WDR7: variants seen among roughly 807,000 people sequenced by gnomAD.
WDR7 encodes WD repeat domain 7, also known as WD repeat-containing protein 7.
In WDR7, 46 loss-of-function variants were observed where a neutral mutation model predicts 169.4. The ratio of observed to expected loss-of-function variants is 0.27; its 90% confidence interval spans 0.21 to 0.35. The LOEUF (loss-of-function observed/expected upper bound fraction) is 0.35. Ranked by LOEUF, WDR7 falls within the 10% of genes least tolerant of loss-of-function variation. The pLI is 1.00. For synonymous variants in WDR7, 612 were observed against 666.8 expected (o/e 0.92, Z 1.27); for missense variants, 1,534 against 1,859.3 (o/e 0.83, Z 3.22).
intron 12 of WDR7, among the ~76,000 whole-genome samples, chr18:56,715,968 A>G (rs547340636): frequency 6.6e-6 from 1 of 152,262 alleles, no homozygotes; most frequent in African/African-American, 2.4e-5. Flanking sequence ...AGCTGTAGAA[A>G]TGCAAAGCAT....
At chr18:56,895,232 C>T (rs2046316215) in intron 21 of WDR7, among the ~76,000 whole-genome samples, 1 of 151,726 alleles carries the variant, frequency 6.6e-6, no homozygotes, top group East Asian at 1.9e-4. Flanking sequence ...GATAAATAAT[C>T]AAAAATGAGT....
chr18:56,738,504 G>A (rs1171249215), intron 14 of WDR7, among the ~76,000 whole-genome samples: 3 of 152,124 alleles, frequency 2.0e-5, no homozygotes, highest in Admixed American at 2.0e-4. Flanking sequence ...GCTGCATTGA[G>A]CTGAGATCAT....
At chr18:56,753,679 A>G (rs1183947675) in intron 14 of WDR7, among the ~76,000 whole-genome samples, 1 of 149,954 alleles carries the variant, frequency 6.7e-6, no homozygotes, top group Non-Finnish European at 1.5e-5. Flanking sequence ...ATGATTTGAT[A>G]TACATATATT....
intron 12 of WDR7, among the ~76,000 whole-genome samples, chr18:56,713,266 T>C (rs982911803): frequency 1.3e-5 from 2 of 152,246 alleles, no homozygotes; most frequent in African/African-American, 4.8e-5. Context: ...CCTAAGGATC[T>C]ATTTTGTGAC....
chr18:56,860,708 G>A (rs1000775014), intron 20 of WDR7, among the ~76,000 whole-genome samples: 5 of 136,596 alleles, frequency 3.7e-5, no homozygotes, highest in African/African-American at 1.9e-4. Context: ...TTAAAAAAAT[G>A]TCTTTATTAA....
At chr18:56,669,788 C>T (rs1163711201) in intron 1 of WDR7, among the ~76,000 whole-genome samples, 2 of 151,908 alleles carry the variant, frequency 1.3e-5, no homozygotes, top group Admixed American at 6.6e-5. Flanking sequence ...TTTTTTTTAT[C>T]CCAATAAATC....
chr18:56,861,902 C>A (rs1212388696), intron 20 of WDR7, among the ~76,000 whole-genome samples: 1 of 151,862 alleles, frequency 6.6e-6, no homozygotes, highest in Non-Finnish European at 1.5e-5. Context: ...ACAATTAGAC[C>A]GTTGGACTTT....
At chr18:56,690,410 T>A (rs2025539251) in intron 7 of WDR7, among the ~76,000 whole-genome samples, 1 of 152,192 alleles carries the variant, frequency 6.6e-6, no homozygotes, top group South Asian at 2.1e-4. Flanking sequence ...TATTACATAG[T>A]AAAATTGAGC....
intron 1 of WDR7, among the ~76,000 whole-genome samples, chr18:56,652,686 A>G (rs2024682245): frequency 6.6e-6 from 1 of 152,216 alleles, no homozygotes; most frequent in Non-Finnish European, 1.5e-5. Flanking sequence ...TATTAATGTC[A>G]ATTAGGGATT....
Position 56,816,117 on chromosome 18 carries a change from G to C in WDR7, c.3277G>C (p.Asp1093His), listed in dbSNP as rs780840102. 10 of 1,613,670 alleles carry C rather than the reference G, an allele frequency of 6.2e-6. No homozygotes were observed. Among genetic ancestry groups the C allele is most frequent in the African/African-American group, 1.3e-5 (1 of 74,922 alleles). Residue 1093 changes from aspartate to histidine, a missense_variant, in exon 20 of 28, where the codon GAC becomes CAC. By Grantham distance (81) the Asp-to-His change is moderately conservative. Coordinates refer to ENST00000254442, the MANE Select transcript of WDR7 (RefSeq NM_015285.3). The part of the protein sequence containing the change: ...PEAKVQEEEH[D>H]LVDDDITTGC... The stretch of plus-strand genomic sequence containing the variant: ...AGCAAAAGTCCAGGAGGAAGAGCAT[G>C]ACCTTGTTGACGATGACATCACCAC...
At chr18:56,950,624 A>G (rs543826674) in intron 25 of WDR7, among the ~76,000 whole-genome samples, 20 of 152,276 alleles carry the variant, frequency 1.3e-4, no homozygotes, top group African/African-American at 4.6e-4. Flanking sequence ...CCATATCCCA[A>G]AGTGATAACC....
intron 26 of WDR7, among the ~76,000 whole-genome samples, chr18:56,975,911 A>C (rs143216922): frequency 2.0e-5 from 3 of 152,286 alleles, no homozygotes; most frequent in Non-Finnish European, 2.9e-5. Flanking sequence ...AAATCTCCCA[A>C]TTTTTAATTG....
At chr18:56,799,022 A>G (rs1289483488) in intron 19 of WDR7, among the ~76,000 whole-genome samples, 2 of 152,192 alleles carry the variant, frequency 1.3e-5, no homozygotes, top group Non-Finnish European at 2.9e-5. Flanking sequence ...TATAGGCTGG[A>G]GAATATAATG....
At chr18:56,978,935 A>C (rs920464838) in intron 26 of WDR7, among the ~76,000 whole-genome samples, 1 of 152,202 alleles carries the variant, frequency 6.6e-6, no homozygotes, top group Admixed American at 6.5e-5. Context: ...TTAATATTTC[A>C]GTCCCCAAGG....
chr18:56,912,263 C>T (rs2046563145), intron 21 of WDR7, among the ~76,000 whole-genome samples: 1 of 152,320 alleles, frequency 6.6e-6, no homozygotes, highest in Middle Eastern at 3.4e-3. Flanking sequence ...AGAACATGGA[C>T]TGCTACTTCA....
At chr18:56,724,236 A>T in intron 13 of WDR7, among the ~76,000 whole-genome samples, 1 of 111,166 alleles carries the variant, frequency 9.0e-6, no homozygotes, top group African/African-American at 3.5e-5. Flanking sequence ...TTTGAGACAG[A>T]GTTTCACTCT....
rs2044250823 is a variant in WDR7 at position 56,776,893 on chromosome 18, A to G, written c.2947+13A>G. The G allele has an allele frequency of 6.3e-7, 1 of 1,595,842 alleles. No homozygotes were observed. Among genetic ancestry groups the G allele is most frequent in the South Asian group, 1.1e-5 (1 of 90,744 alleles). ...TTAGTAAATGAAGGTATCTCTCTCAACTTCTAACAACTTTCTCTCAATCTG... is the reference window on the plus strand; with the variant it reads ...TTAGTAAATGAAGGTATCTCTCTCAGCTTCTAACAACTTTCTCTCAATCTG... On this transcript the variant is annotated intron_variant, in intron 17 of 27. Transcript: ENST00000254442.
chr18:57,016,349 G>C (rs17684110), intron 26 of WDR7, among the ~76,000 whole-genome samples: 36,003 of 152,064 alleles, frequency 0.24, 4,689 homozygotes, highest in Non-Finnish European at 0.29. Flanking sequence ...TGGTATTTAT[G>C]ATAGGGAAAT....
chr18:56,971,505 A>G (rs969714049), intron 26 of WDR7, among the ~76,000 whole-genome samples: 1 of 152,164 alleles, frequency 6.6e-6, no homozygotes, highest in African/African-American at 2.4e-5. Context: ...ATAATTTGGT[A>G]TAGAAGGCAG....
Sources: gnomAD v4.1 joint callset for allele counts (sites outside exome capture counted in the v4.1 genomes callset) on GRCh38, gnomAD v4.1.1 for gene constraint, MANE v1.5 for transcripts, NCBI Gene and HGNC (gene_info 2026-07-23, HGNC 2026-07-21) for gene names.